Variants in SLC4A10 observed in about 807,000 individuals in gnomAD.
The protein encoded by SLC4A10 is sodium-driven chloride bicarbonate exchanger.
Under a neutral mutation model 137.7 loss-of-function variants are expected in SLC4A10, and 42 were observed. That is an observed-to-expected ratio of 0.30 (90% CI 0.24 to 0.39). The LOEUF is 0.39. SLC4A10 is among the 10% of genes least tolerant of loss of function. The pLI is 1.00. For missense variants in SLC4A10, 925 were observed against 1,355.0 expected, an observed-to-expected ratio of 0.68 and a Z score of 4.98; for synonymous variants, 474 against 464.1, an observed-to-expected ratio of 1.02 and a Z score of -0.27.
intron 1 of SLC4A10, among the ~76,000 whole-genome samples, chr2:161,657,908 A>G (rs2037765635): frequency 6.6e-6 from 1 of 152,182 alleles, no homozygotes; most frequent in Admixed American, 6.5e-5. Context: ...TAATAGACCA[A>G]TATGCAATTA....
chr2:161,634,400 A>G (rs2034083879), intron 1 of SLC4A10, among the ~76,000 whole-genome samples: 1 of 151,912 alleles, frequency 6.6e-6, no homozygotes, highest in Non-Finnish European at 1.5e-5. Flanking sequence ...GAAAAGTCAA[A>G]AAAGTTTCCC....
At chr2:161,786,851 A>G (rs967068363) in intron 2 of SLC4A10, among the ~76,000 whole-genome samples, 3 of 149,994 alleles carry the variant, frequency 2.0e-5, no homozygotes, top group South Asian at 2.1e-4. Context: ...ATAAAAGAGT[A>G]TACTCATTTC....
chr2:161,829,257 A>G (rs1403850659), intron 3 of SLC4A10, among the ~76,000 whole-genome samples: 1 of 152,162 alleles, frequency 6.6e-6, no homozygotes, highest in African/African-American at 2.4e-5. Context: ...ACCAGATTAT[A>G]AGCAATTTAA....
At chr2:161,748,177 T>C (rs2048576474) in intron 1 of SLC4A10, among the ~76,000 whole-genome samples, 1 of 152,204 alleles carries the variant, frequency 6.6e-6, no homozygotes, top group African/African-American at 2.4e-5. Context: ...CAATCTCTTA[T>C]GATGAGACAT....
At chr2:161,731,276 TA>T (rs2046795076) in intron 1 of SLC4A10, among the ~76,000 whole-genome samples, 1 of 152,172 alleles carries the variant, frequency 6.6e-6, no homozygotes, top group Non-Finnish European at 1.5e-5. Context: ...TATTTTCCTC[TA>T]TTTTTTTATA....
intron 3 of SLC4A10, among the ~76,000 whole-genome samples, chr2:161,836,530 G>GAGAGAGAA (rs1467769066): frequency 5.0e-5 from 4 of 79,258 alleles, no homozygotes; most frequent in East Asian, 1.1e-3. Context: ...GAGAGAGAGA[G>GAGAGAGAA]AGAAAGAAAG....
intron 1 of SLC4A10, among the ~76,000 whole-genome samples, chr2:161,639,531 C>T (rs1421855590): frequency 6.6e-6 from 1 of 152,092 alleles, no homozygotes; most frequent in Non-Finnish European, 1.5e-5. Context: ...ACCATATGAT[C>T]ATCCCAATAG....
At chr2:161,868,412 A>C (rs949872956) in intron 6 of SLC4A10, among the ~76,000 whole-genome samples, 1 of 151,614 alleles carries the variant, frequency 6.6e-6, no homozygotes, top group South Asian at 2.1e-4. Flanking sequence ...AAACAGCTTC[A>C]TTTTTCTAGT....
intron 2 of SLC4A10, among the ~76,000 whole-genome samples, chr2:161,797,258 C>T (rs577798120): frequency 1.3e-4 from 20 of 152,132 alleles, no homozygotes; most frequent in African/African-American, 4.6e-4. Context: ...TTTTTGCTCA[C>T]GTTATCTCCT....
intron 2 of SLC4A10, among the ~76,000 whole-genome samples, chr2:161,782,031 T>G (rs903259633): frequency 1.3e-5 from 2 of 151,988 alleles, no homozygotes; most frequent in East Asian, 3.9e-4. Context: ...GCTAATGGTG[T>G]GGAATTATCT....
chr2:161,715,804 G>A lies in SLC4A10; in HGVS notation c.49-55169G>A, dbSNP rs181587820. On this transcript the variant is annotated intron_variant, in intron 1 of 26. Coordinates refer to ENST00000446997, the MANE Select transcript of SLC4A10 (RefSeq NM_001178015.2). The stretch of plus-strand genomic sequence containing the variant: ...GTTAATAGTGCTGCAATGAATATAC[G>A]CACGCATGTATCTTTATAATAGAAT... Among the ~76,000 whole-genome samples, 567 of 152,074 alleles carry A rather than the reference G, an allele frequency of 3.7e-3. 2 individuals carry two copies. The highest frequency in any genetic ancestry group is 0.013 in the African/African-American group (543 of 41,462).
chr2:161,863,279 A>C (rs1356027432), intron 6 of SLC4A10, among the ~76,000 whole-genome samples: 1 of 152,212 alleles, frequency 6.6e-6, no homozygotes, highest in Non-Finnish European at 1.5e-5. Context: ...TTCAGGAAAA[A>C]AATGCAAAGA....
chr2:161,949,078 A>G, intron 17 of SLC4A10, 70 bp from the exon 18 acceptor site: 1 of 948,962 alleles, frequency 1.1e-6, no homozygotes, highest in Non-Finnish European at 1.7e-6. Context: ...GTGTGACTCT[A>G]GATTATGTTC....
intron 15 of SLC4A10, among the ~76,000 whole-genome samples, chr2:161,941,049 A>G (rs545057538): frequency 6.6e-6 from 1 of 152,280 alleles, no homozygotes; most frequent in Non-Finnish European, 1.5e-5. Flanking sequence ...TAACAGAACA[A>G]TCTAGAACAG....
chr2:161,687,117 A>T (rs1056414873), intron 1 of SLC4A10, among the ~76,000 whole-genome samples: 1 of 152,056 alleles, frequency 6.6e-6, no homozygotes, highest in Non-Finnish European at 1.5e-5. Flanking sequence ...TCCTAACCTC[A>T]GCTGATGGGC....
intron 2 of SLC4A10, 102 bp downstream of exon 2, chr2:161,771,156 C>T: frequency 1.2e-6 from 1 of 840,988 alleles, no homozygotes; most frequent in Non-Finnish European, 1.9e-6. Flanking sequence ...AAGTTGGTAT[C>T]AGAGTAATGG....
intron 25 of SLC4A10, 44 bp downstream of exon 25, chr2:161,976,920 T>G: frequency 9.8e-7 from 1 of 1,022,410 alleles, no homozygotes; most frequent in Non-Finnish European, 1.4e-6. Context: ...ATTCCAATTG[T>G]TTTTTGACAT....
At chr2:161,645,028 A>G (rs766765552) in intron 1 of SLC4A10, among the ~76,000 whole-genome samples, 2 of 152,200 alleles carry the variant, frequency 1.3e-5, no homozygotes, top group African/African-American at 4.8e-5. Flanking sequence ...TTTGATTTTC[A>G]GAAGTAATAA....
At chr2:161,679,539 G>C (rs778716679) in intron 1 of SLC4A10, among the ~76,000 whole-genome samples, 1 of 152,020 alleles carries the variant, frequency 6.6e-6, no homozygotes, top group Non-Finnish European at 1.5e-5. Flanking sequence ...TAGGAAGAAG[G>C]AATTGAAATT....
Sources: gnomAD v4.1 joint callset for allele counts (sites outside exome capture counted in the v4.1 genomes callset) on GRCh38, gnomAD v4.1.1 for gene constraint, MANE v1.5 for transcripts, NCBI Gene and HGNC (gene_info 2026-07-23, HGNC 2026-07-21) for gene names.